The following SPOCK1 variants were observed in gnomAD, a reference collection of about 807,000 sequenced individuals.
SPOCK1 encodes testican-1.
A neutral mutation model predicts 55.3 loss-of-function variants in SPOCK1; 23 were observed. That is an observed-to-expected ratio of 0.42 (90% CI 0.30 to 0.59). The LOEUF (loss-of-function observed/expected upper bound fraction) is 0.59. Among genes scored for constraint, SPOCK1 ranks in the 20% least tolerant of loss-of-function variants. SPOCK1 has a pLI of 0.22. For missense variants in SPOCK1, 499 were observed against 552.5 expected, an observed-to-expected ratio of 0.90 and a Z score of 0.97; for synonymous variants, 226 against 221.0, an observed-to-expected ratio of 1.02 and a Z score of -0.20.
chr5:137,198,658 A>C (rs558948785), intron 3 of SPOCK1, among the ~76,000 whole-genome samples: 11 of 152,296 alleles, frequency 7.2e-5, no homozygotes, highest in Admixed American at 2.0e-4. Flanking sequence ...TAATTTGTAA[A>C]TGCTTTTTAT....
chr5:137,163,977 A>G (rs1336254977), intron 3 of SPOCK1, among the ~76,000 whole-genome samples: 1 of 152,188 alleles, frequency 6.6e-6, no homozygotes, highest in East Asian at 1.9e-4. Flanking sequence ...TATTTCACAC[A>G]CTGGAGTAAG....
chr5:137,067,787 C>T lies in SPOCK1; in HGVS notation c.517G>A (p.Ala173Thr), dbSNP rs139465331. ...FHACSTGKSL[A>T]TLCDGPCPCL... ...GGACAGGGCCCATCACAGAGGGTGGCGAGGCTTTTGCCAGTAGAACAAGCA... is the reference window on the plus strand; with the variant it reads ...GGACAGGGCCCATCACAGAGGGTGGTGAGGCTTTTGCCAGTAGAACAAGCA... The change falls in exon 6 of 11, where the codon GCC becomes ACC. Residue 173 changes from alanine to threonine, a missense_variant. Around this residue, in one of 3 missense-constraint regions of SPOCK1, gnomAD observed 386 missense variants for 400.6 expected, o/e 0.96. Transcript: ENST00000394945. 8.5e-4 allele frequency: 1,377 copies of T among 1,614,044 alleles called. 2 individuals are homozygous for T. Among genetic ancestry groups the T allele is most frequent in the Non-Finnish European group, 1.1e-3 (1,287 of 1,179,988 alleles).
chr5:137,128,762 T>G (rs907164314), intron 4 of SPOCK1, among the ~76,000 whole-genome samples: 1 of 152,210 alleles, frequency 6.6e-6, no homozygotes, highest in Non-Finnish European at 1.5e-5. Context: ...CACTACTAAG[T>G]AATGCTCCTT....
intron 4 of SPOCK1, among the ~76,000 whole-genome samples, chr5:137,133,960 G>C (rs935061005): frequency 6.6e-6 from 1 of 151,136 alleles, no homozygotes; most frequent in Admixed American, 6.6e-5. Context: ...GCTGGGGGTG[G>C]GGGGGGTAGC....
chr5:137,084,721 C>T (rs1317597083), intron 5 of SPOCK1, among the ~76,000 whole-genome samples: 6 of 151,772 alleles, frequency 4.0e-5, no homozygotes, highest in Admixed American at 3.9e-4. Flanking sequence ...ACCCAAAAAA[C>T]AAAAAACAGA....
At chr5:137,132,926 C>T (rs1271951067) in intron 4 of SPOCK1, among the ~76,000 whole-genome samples, 1 of 152,182 alleles carries the variant, frequency 6.6e-6, no homozygotes, top group Non-Finnish European at 1.5e-5. Context: ...GTAGGAGTCT[C>T]ACTGGTTGAC....
At chr5:137,099,853 T>C (rs1024511413) in intron 5 of SPOCK1, among the ~76,000 whole-genome samples, 2 of 152,122 alleles carry the variant, frequency 1.3e-5, no homozygotes, top group Non-Finnish European at 2.9e-5. Flanking sequence ...TATTATTGCA[T>C]TGAAGCATGC....
intron 4 of SPOCK1, among the ~76,000 whole-genome samples, chr5:137,126,026 A>T (rs1753776056): frequency 6.6e-6 from 1 of 152,172 alleles, no homozygotes; most frequent in Admixed American, 6.5e-5. Flanking sequence ...GTCCCCTCCA[A>T]ATCTCAAGTT....
intron 5 of SPOCK1, among the ~76,000 whole-genome samples, chr5:137,093,123 T>C (rs1292009223): frequency 3.3e-5 from 5 of 152,204 alleles, no homozygotes; most frequent in Admixed American, 3.3e-4. Flanking sequence ...GCCCCACCTC[T>C]CAATATCTGC....
chr5:137,319,485 T>C (rs1315037327), intron 2 of SPOCK1, among the ~76,000 whole-genome samples: 1 of 152,246 alleles, frequency 6.6e-6, no homozygotes, highest in African/African-American at 2.4e-5. Flanking sequence ...GTAAATGGTT[T>C]CTTGGAAGGC....
At position 137,477,860 on chromosome 5, in the gene SPOCK1, T is replaced by TG. The variant is rs528030329; in HGVS notation, c.186+20512dup. 3.3e-4 allele frequency among the ~76,000 whole-genome samples: 51 copies of TG among 152,342 alleles called. 1 individual carries two copies. The South Asian group carries it at 0.01, about 31-fold the overall frequency. On this transcript the variant is annotated intron_variant, in intron 2 of 10. Transcript: ENST00000394945. ...TGCTGACTCTGGAAAGAGGGACGCT[T>TG]GGCTTCATGTAAGGAAGCTGAAAAA...
intron 3 of SPOCK1, among the ~76,000 whole-genome samples, chr5:137,257,851 C>A (rs936618326): frequency 6.6e-6 from 1 of 152,166 alleles, no homozygotes; most frequent in Non-Finnish European, 1.5e-5. Context: ...TCAAACACAT[C>A]CTTTGAGTGA....
chr5:137,229,027 C>T (rs1488002760), intron 3 of SPOCK1, among the ~76,000 whole-genome samples: 2 of 152,100 alleles, frequency 1.3e-5, no homozygotes, highest in Non-Finnish European at 2.9e-5. Flanking sequence ...GCTGCCCAGT[C>T]CAGGCCTTCT....
At chr5:136,988,127 G>A (rs970351132) in intron 8 of SPOCK1, among the ~76,000 whole-genome samples, 21 of 152,164 alleles carry the variant, frequency 1.4e-4, no homozygotes, top group African/African-American at 4.8e-4. Context: ...ATTATGTCAT[G>A]AAGGTTTCTA....
At chr5:137,298,440 C>T (rs1197540181) in intron 2 of SPOCK1, among the ~76,000 whole-genome samples, 1 of 152,156 alleles carries the variant, frequency 6.6e-6, no homozygotes, top group Non-Finnish European at 1.5e-5. Context: ...AAATGTTCCA[C>T]AAGCACTTAT....
intron 2 of SPOCK1, among the ~76,000 whole-genome samples, chr5:137,276,610 T>A (rs1757072671): frequency 6.6e-6 from 1 of 152,266 alleles, no homozygotes; most frequent in East Asian, 1.9e-4. Flanking sequence ...GCTGGTTTTT[T>A]ATGCCAGTAT....
intron 2 of SPOCK1, among the ~76,000 whole-genome samples, chr5:137,434,015 G>A (rs1439683829): frequency 2.6e-5 from 4 of 152,186 alleles, no homozygotes; most frequent in Non-Finnish European, 4.4e-5. Context: ...TTCTGCAACA[G>A]CAATTTTAGT....
intron 8 of SPOCK1, among the ~76,000 whole-genome samples, chr5:136,987,472 T>TATCTTTGGTGAAAGTAAA (rs1750866727): frequency 6.6e-6 from 1 of 152,204 alleles, no homozygotes; most frequent in Non-Finnish European, 1.5e-5. Context: ...TATTCTCATA[T>TATCTTTGGTGAAAGTAAA]ATCTTTGGTG....
intron 8 of SPOCK1, among the ~76,000 whole-genome samples, chr5:136,987,501 A>G (rs1041475060): frequency 2.0e-5 from 3 of 152,132 alleles, no homozygotes; most frequent in Non-Finnish European, 2.9e-5. Flanking sequence ...AATTGTTACC[A>G]CCTCTTTGGA....
Sources: allele counts gnomAD v4.1 joint callset (sites outside exome capture counted in the v4.1 genomes callset), GRCh38; gene constraint gnomAD v4.1.1; regional missense constraint gnomAD v4.1.1; transcripts MANE v1.5; gene names NCBI Gene and HGNC (gene_info 2026-07-23, HGNC 2026-07-21).